The following AK9 variants were observed in gnomAD, a reference collection of about 807,000 sequenced individuals.
The protein encoded by AK9 is adenylate kinase domain containing 1.
A neutral mutation model predicts 239.6 loss-of-function variants in AK9; 191 were observed. The ratio of observed to expected loss-of-function variants is 0.80; its 90% confidence interval spans 0.71 to 0.90. AK9 has a LOEUF of 0.90. AK9 is among the 40% of genes least tolerant of loss of function. AK9 has a pLI of 0.00. For synonymous variants in AK9, 689 were observed against 721.0 expected, an observed-to-expected ratio of 0.96 and a Z score of 0.71; for missense variants, 1,995 against 2,214.7, an observed-to-expected ratio of 0.90 and a Z score of 1.99.
At chr6:109,557,478 C>T (rs189940974) in intron 24 of AK9, among the ~76,000 whole-genome samples, 112 of 152,238 alleles carry the variant, frequency 7.4e-4, no homozygotes, top group African/African-American at 2.6e-3. Context: ...TTGGGTGGCA[C>T]AGGGAGCCAG....
intron 5 of AK9, 125 bp downstream of exon 5, chr6:109,671,794 T>G: frequency 1.4e-6 from 1 of 716,038 alleles, no homozygotes; most frequent in South Asian, 1.9e-5. Context: ...TTCAACTGAA[T>G]AGAGATAATG....
intron 40 of AK9, 70 bp from the exon 41 acceptor site, chr6:109,493,641 G>T (rs1776748751): frequency 5.2e-6 from 7 of 1,343,288 alleles, no homozygotes; most frequent in Non-Finnish European, 6.3e-6. Context: ...AAGAGACCTG[G>T]ATGTGTGGTT....
chr6:109,597,609 C>T (rs1435663063), intron 17 of AK9, among the ~76,000 whole-genome samples: 1 of 152,030 alleles, frequency 6.6e-6, no homozygotes, highest in Non-Finnish European at 1.5e-5. Flanking sequence ...GGAGGCGGAG[C>T]TTGCAGTGAG....
At chr6:109,533,541 G>C (rs577302808) in intron 27 of AK9, 71 bp from the exon 28 acceptor site, 1 of 1,251,978 alleles carries the variant, frequency 8.0e-7, no homozygotes, top group African/African-American at 1.5e-5. Context: ...TAATTTGACT[G>C]TAATGATCAT....
At chr6:109,627,208 TC>T (rs1795641547) in intron 12 of AK9, among the ~76,000 whole-genome samples, 1 of 138,854 alleles carries the variant, frequency 7.2e-6, no homozygotes, top group Admixed American at 7.8e-5. Flanking sequence ...GTCTTCCTCC[TC>T]TATATCTTGT....
At chr6:109,598,418 G>A (rs1425655698) in intron 17 of AK9, among the ~76,000 whole-genome samples, 1 of 152,064 alleles carries the variant, frequency 6.6e-6, no homozygotes, top group East Asian at 1.9e-4. Flanking sequence ...ATTTTTTATG[G>A]CTGCATAGTA....
At chr6:109,524,866 T>C (rs962241646) in intron 29 of AK9, among the ~76,000 whole-genome samples, 6 of 152,174 alleles carry the variant, frequency 3.9e-5, no homozygotes, top group African/African-American at 1.4e-4. Context: ...CAATATTACA[T>C]TGAATAATAT....
chr6:109,601,148 A>G (rs1791894727), intron 17 of AK9, among the ~76,000 whole-genome samples: 1 of 152,124 alleles, frequency 6.6e-6, no homozygotes, highest in African/African-American at 2.4e-5. Context: ...TTGTTTCTCT[A>G]GTTCTTTTAA....
At chr6:109,497,385 C>CTCTCTCTCTG (rs1777178134) in intron 38 of AK9, 80 bp downstream of exon 38, 1 of 387,470 alleles carries the variant, frequency 2.6e-6, no homozygotes, top group African/African-American at 2.3e-5. Context: ...CTCTCTCTCT[C>CTCTCTCTCTG]ACACACTCCT....
chr6:109,652,660 A>G (rs114157378), intron 8 of AK9, among the ~76,000 whole-genome samples: 1,726 of 152,274 alleles, frequency 0.011, 31 homozygotes, highest in African/African-American at 0.038. Context: ...CTTTTTATGA[A>G]AGTTTTAAAA....
chr6:109,567,541 A>G (rs1261909266), intron 21 of AK9, among the ~76,000 whole-genome samples: 1 of 152,110 alleles, frequency 6.6e-6, no homozygotes, highest in Non-Finnish European at 1.5e-5. Flanking sequence ...AACTATTCCA[A>G]TCAATGGGAA....
intron 27 of AK9, among the ~76,000 whole-genome samples, chr6:109,536,651 G>C (rs1203178959): frequency 6.6e-6 from 1 of 152,204 alleles, no homozygotes; most frequent in Non-Finnish European, 1.5e-5. Context: ...TTGAATAGGA[G>C]TGGTGAGAGA....
intron 12 of AK9, among the ~76,000 whole-genome samples, chr6:109,624,875 A>G (rs951581138): frequency 7.2e-5 from 11 of 152,018 alleles, no homozygotes; most frequent in African/African-American, 2.2e-4. Flanking sequence ...TTTCTTTTCT[A>G]TTCTTTTTTC....
At chr6:109,652,256 A>T (rs1799074366) in intron 8 of AK9, among the ~76,000 whole-genome samples, 1 of 152,278 alleles carries the variant, frequency 6.6e-6, no homozygotes, top group African/African-American at 2.4e-5. Flanking sequence ...CAACATACGC[A>T]AATGAATAAA....
chr6:109,660,903 C>G (rs982228165), intron 6 of AK9: 4 of 492,362 alleles, frequency 8.1e-6, no homozygotes, highest in African/African-American at 2.0e-5. Context: ...AACTACTGCT[C>G]TAGTAGATTG....
At chr6:109,544,222 C>T (rs997296642) in intron 26 of AK9, among the ~76,000 whole-genome samples, 1 of 152,214 alleles carries the variant, frequency 6.6e-6, no homozygotes, top group African/African-American at 2.4e-5. Context: ...TTACATATAA[C>T]TGCATTTGGA....
At chr6:109,637,529 GT>G (rs1182867912) in intron 10 of AK9, among the ~76,000 whole-genome samples, 1 of 152,026 alleles carries the variant, frequency 6.6e-6, no homozygotes, top group Admixed American at 6.6e-5. Context: ...ATGCAGAAAA[GT>G]TTTTTTGTAT....
At chr6:109,503,975 C>T (rs966660641) in intron 35 of AK9, among the ~76,000 whole-genome samples, 1 of 152,216 alleles carries the variant, frequency 6.6e-6, no homozygotes, top group East Asian at 1.9e-4. Flanking sequence ...GTTCCCACCA[C>T]ACTGCAGGTT....
intron 17 of AK9, among the ~76,000 whole-genome samples, chr6:109,603,306 T>C (rs1429667704): frequency 1.3e-5 from 2 of 152,238 alleles, no homozygotes; most frequent in Non-Finnish European, 1.5e-5. Context: ...GATCCTCAGC[T>C]GCAGGTCTGT....
Sources: gnomAD v4.1 joint callset for allele counts (sites outside exome capture counted in the v4.1 genomes callset) on GRCh38, gnomAD v4.1.1 for gene constraint, MANE v1.5 for transcripts, NCBI Gene and HGNC (gene_info 2026-07-23, HGNC 2026-07-21) for gene names.